The following PTPRD variants were observed in gnomAD, a reference collection of about 807,000 sequenced individuals.
PTPRD encodes protein tyrosine phosphatase receptor type D.
A neutral mutation model predicts 214.5 loss-of-function variants in PTPRD; 34 were observed. The observed-to-expected ratio is 0.16, with a 90% CI of 0.12 to 0.21. The LOEUF (loss-of-function observed/expected upper bound fraction) is 0.21, where lower values mean the gene tolerates loss of function less well. PTPRD is among the 10% of genes least tolerant of loss of function. The pLI is 1.00. For synonymous variants in PTPRD, 1,128 were observed against 845.7 expected, an observed-to-expected ratio of 1.33 and a Z score of -5.79; for missense variants, 2,545 against 2,398.7, an observed-to-expected ratio of 1.06 and a Z score of -1.27.
intron 4 of PTPRD, among the ~76,000 whole-genome samples, chr9:9,991,872 G>C (rs2095945346): frequency 7.3e-6 from 1 of 136,350 alleles, no homozygotes; most frequent in Non-Finnish European, 1.6e-5. Flanking sequence ...ACACACACGA[G>C]TTCCAAATGG....
At chr9:8,953,498 G>C (rs1208701618) in intron 11 of PTPRD, among the ~76,000 whole-genome samples, 2 of 151,924 alleles carry the variant, frequency 1.3e-5, no homozygotes, top group Admixed American at 6.6e-5. Flanking sequence ...AAATTGATAA[G>C]TGGGGACCTA....
chr9:9,624,176 C>T (rs972142988), intron 7 of PTPRD, among the ~76,000 whole-genome samples: 2 of 152,092 alleles, frequency 1.3e-5, no homozygotes, highest in African/African-American at 4.8e-5. Flanking sequence ...CATCATCTTA[C>T]ATTGTATTAT....
rs761338321 is a variant in PTPRD at position 9,621,675 on chromosome 9, G to A, written c.-286-46894C>T. 2.0e-5 allele frequency among the ~76,000 whole-genome samples: 3 copies of A among 152,104 alleles called. No individual in the cohort carries two copies. The East Asian group carries it at 5.8e-4, about 29-fold the overall frequency. On this transcript the variant is annotated intron_variant, in intron 7 of 45. Coordinates refer to ENST00000381196, the MANE Select transcript of PTPRD (RefSeq NM_002839.4). ...ACCCTTTGAAAAAGAAGACTATAAG[G>A]TGCAATCTGGTTTTAGGGGCATTCT...
At chr9:9,244,266 C>G (rs1485230648) in intron 9 of PTPRD, among the ~76,000 whole-genome samples, 4 of 152,030 alleles carry the variant, frequency 2.6e-5, no homozygotes, top group Non-Finnish European at 4.4e-5. Context: ...TGACTTTCTT[C>G]ACAGAATTGG....
intron 8 of PTPRD, among the ~76,000 whole-genome samples, chr9:9,472,421 T>G (rs921271629): frequency 1.3e-5 from 2 of 151,934 alleles, no homozygotes; most frequent in Non-Finnish European, 2.9e-5. Flanking sequence ...GCCAGGATGG[T>G]CTCGATCTCC....
rs373566192 is a variant in PTPRD, at chr9:9,846,373, CAAGT to C, written c.-367-79526_-367-79523del. Among the ~76,000 whole-genome samples, 6 of 152,190 alleles carry C rather than the reference CAAGT, an allele frequency of 3.9e-5. No individual in the cohort carries two copies. The East Asian group carries it at 9.7e-4, about 25-fold the overall frequency. ...TCTAGGTAAGAAATCAGACTTGTGA[CAAGT>C]AAGCAACTTTCATATGAAGATACAT... On this transcript the variant is annotated intron_variant, in intron 5 of 45. Coordinates refer to ENST00000381196, the MANE Select transcript of PTPRD (RefSeq NM_002839.4).
At chr9:8,582,662 G>A (rs986534167) in intron 14 of PTPRD, among the ~76,000 whole-genome samples, 1 of 152,090 alleles carries the variant, frequency 6.6e-6, no homozygotes, top group Non-Finnish European at 1.5e-5. Flanking sequence ...CCAGTGGGGG[G>A]AAAAACAAAT....
intron 44 of PTPRD, among the ~76,000 whole-genome samples, chr9:8,329,455 C>G (rs995967386): frequency 2.6e-5 from 4 of 152,140 alleles, no homozygotes; most frequent in Non-Finnish European, 4.4e-5. Context: ...CTGTCAGCCC[C>G]TACTGTGAGG....
intron 11 of PTPRD, among the ~76,000 whole-genome samples, chr9:8,818,331 G>A (rs559115270): frequency 1.3e-5 from 2 of 152,204 alleles, no homozygotes; most frequent in South Asian, 4.1e-4. Flanking sequence ...AGTTTTAGCG[G>A]ATAGGCAGAG....
intron 10 of PTPRD, among the ~76,000 whole-genome samples, chr9:9,163,923 C>A (rs1400651316): frequency 1.6e-4 from 25 of 152,152 alleles, no homozygotes; most frequent in Non-Finnish European, 2.9e-5. Context: ...CCTACCCATC[C>A]TTCAAGTCTT....
At chr9:8,376,569 G>A (rs372148257) in intron 38 of PTPRD, 38 bp downstream of exon 38, 37 of 1,611,366 alleles carry the variant, frequency 2.3e-5, no homozygotes, top group Non-Finnish European at 3.4e-6. Flanking sequence ...TTAAACAATA[G>A]AGAAGGGAAA....
At chr9:9,156,110 A>G (rs1488560264) in intron 10 of PTPRD, among the ~76,000 whole-genome samples, 1 of 152,174 alleles carries the variant, frequency 6.6e-6, no homozygotes, top group Non-Finnish European at 1.5e-5. Context: ...TTAGGTGTAA[A>G]ACAGATATAC....
chr9:10,129,278 G>A (rs2098841322), intron 3 of PTPRD, among the ~76,000 whole-genome samples: 1 of 152,012 alleles, frequency 6.6e-6, no homozygotes, highest in Non-Finnish European at 1.5e-5. Context: ...GCATACTAAT[G>A]GCATGTACGG....
intron 35 of PTPRD, among the ~76,000 whole-genome samples, chr9:8,409,443 G>T (rs1218980481): frequency 6.6e-6 from 1 of 152,086 alleles, no homozygotes; most frequent in African/African-American, 2.4e-5. Context: ...ACGCACAGAA[G>T]GTTGGGAACA....
At chr9:10,143,357 G>C (rs1482753910) in intron 3 of PTPRD, among the ~76,000 whole-genome samples, 2 of 152,016 alleles carry the variant, frequency 1.3e-5, no homozygotes, top group African/African-American at 2.4e-5. Context: ...ACCACAATGA[G>C]ATATCATCTT....
chr9:8,979,347 T>A (rs1589230906), intron 11 of PTPRD, among the ~76,000 whole-genome samples: 2 of 152,202 alleles, frequency 1.3e-5, no homozygotes, highest in African/African-American at 4.8e-5. Flanking sequence ...TTTTTTTGGA[T>A]ATCACACCAA....
intron 39 of PTPRD, among the ~76,000 whole-genome samples, chr9:8,347,133 T>C (rs1237046715): frequency 6.6e-6 from 1 of 152,106 alleles, no homozygotes; most frequent in Non-Finnish European, 1.5e-5. Flanking sequence ...CGTCTCTCTC[T>C]AGTGACCTCA....
rs555786438 is a variant in PTPRD at position 8,786,439 on chromosome 9, T to A, written c.-103-52493A>T. Among the ~76,000 whole-genome samples the A allele has an allele frequency of 1.6e-4, 20 of 125,956 alleles. No individual in the cohort carries two copies. The East Asian group carries it at 5.0e-3, about 32-fold the overall frequency. 82.6% of individuals were successfully genotyped at this position (125,956 alleles called of 152,430 possible). On this transcript the variant is annotated intron_variant, in intron 11 of 45. Coordinates refer to ENST00000381196, the MANE Select transcript of PTPRD (RefSeq NM_002839.4). The stretch of plus-strand genomic sequence containing the variant: ...TTTTTTTTTTTTTTGAGACAGAGTC[T>A]CGCTCTGTCGCCCAGCTTGGAGTGC...
intron 10 of PTPRD, among the ~76,000 whole-genome samples, chr9:9,100,432 T>C (rs182430867): frequency 1.6e-4 from 24 of 152,248 alleles, no homozygotes; most frequent in African/African-American, 5.5e-4. Context: ...CTGGGTTTGA[T>C]TCAAATGCTA....
Sources: allele counts gnomAD v4.1 joint callset (sites outside exome capture counted in the v4.1 genomes callset), GRCh38; gene constraint gnomAD v4.1.1; transcripts MANE v1.5; gene names NCBI Gene and HGNC (gene_info 2026-07-23, HGNC 2026-07-21).